Variants in CCDC192 observed in about 807,000 individuals in gnomAD.
CCDC192 encodes the protein coiled-coil domain containing 192, also known as coiled-coil domain-containing protein 192.
chr5:127,867,443 C>T (rs1163447279), intron 5 of CCDC192, among the ~76,000 whole-genome samples: 2 of 152,228 alleles, frequency 1.3e-5, no homozygotes. Context: ...ATTCGATCCT[C>T]TCTGGTTTCT....
chr5:127,704,154 C>G (rs1261293949), intron 1 of CCDC192, among the ~76,000 whole-genome samples: 1 of 152,130 alleles, frequency 6.6e-6, no homozygotes, highest in Non-Finnish European at 1.5e-5. Context: ...GTGGGATGTT[C>G]ACATGCAACC....
chr5:127,815,927 T>C (rs1749004770), intron 5 of CCDC192, among the ~76,000 whole-genome samples: 1 of 152,080 alleles, frequency 6.6e-6, no homozygotes, highest in Non-Finnish European at 1.5e-5. Flanking sequence ...TCAAAATCCA[T>C]GACTGATTAT....
At chr5:127,763,289 ATCAG>A (rs1440597263) in intron 3 of CCDC192, among the ~76,000 whole-genome samples, 3 of 152,174 alleles carry the variant, frequency 2.0e-5, no homozygotes, top group Non-Finnish European at 4.4e-5. Flanking sequence ...TAGGCCAGTG[ATCAG>A]TGCCACCAGC....
chr5:127,817,708 A>G (rs76814071), intron 5 of CCDC192, among the ~76,000 whole-genome samples: 5,817 of 152,316 alleles, frequency 0.038, 259 homozygotes, highest in African/African-American at 0.11. Context: ...TAGTTGCACA[A>G]CTTTGTGAAT....
chr5:127,779,506 G>A (rs530187128), intron 3 of CCDC192, among the ~76,000 whole-genome samples: 140 of 151,984 alleles, frequency 9.2e-4, no homozygotes, highest in South Asian at 5.0e-3. Flanking sequence ...TGTGTTAGCC[G>A]GGACAGTCTC....
At chr5:127,747,774 T>C (rs1753867378) in intron 2 of CCDC192, among the ~76,000 whole-genome samples, 1 of 145,784 alleles carries the variant, frequency 6.9e-6, no homozygotes, top group African/African-American at 2.5e-5. Flanking sequence ...ACCTGTTGTT[T>C]CCTGACTTTT....
intron 2 of CCDC192, among the ~76,000 whole-genome samples, chr5:127,739,215 G>C (rs1279100595): frequency 1.3e-5 from 2 of 152,100 alleles, no homozygotes; most frequent in Non-Finnish European, 2.9e-5. Context: ...TGCCCCTGCT[G>C]GGGGGTGCCT....
chr5:127,811,122 T>C (rs1758058289), intron 5 of CCDC192, among the ~76,000 whole-genome samples: 1 of 152,220 alleles, frequency 6.6e-6, no homozygotes, highest in Admixed American at 6.5e-5. Flanking sequence ...TGTGTACAAG[T>C]GGAGTACGCT....
chr5:127,833,353 T>G (rs1227853758), intron 5 of CCDC192, among the ~76,000 whole-genome samples: 1 of 152,200 alleles, frequency 6.6e-6, no homozygotes, highest in African/African-American at 2.4e-5. Context: ...ACTGTCCTAT[T>G]GTCCAATGGT....
intron 3 of CCDC192, among the ~76,000 whole-genome samples, chr5:127,769,268 G>T (rs545646393): frequency 1.3e-5 from 2 of 152,206 alleles, no homozygotes; most frequent in African/African-American, 4.8e-5. Flanking sequence ...TGGCTTAAAC[G>T]TATGAATGGA....
At chr5:127,777,379 C>G (rs73345045) in intron 3 of CCDC192, among the ~76,000 whole-genome samples, 5 of 152,246 alleles carry the variant, frequency 3.3e-5, no homozygotes, top group African/African-American at 1.2e-4. Flanking sequence ...GTGTATTTAT[C>G]GAATGCTTGT....
At chr5:127,770,006 AGAGT>A (rs1755456760) in intron 3 of CCDC192, among the ~76,000 whole-genome samples, 1 of 152,212 alleles carries the variant, frequency 6.6e-6, no homozygotes, top group African/African-American at 2.4e-5. Context: ...AGCCAATGGT[AGAGT>A]GAGAGATTTC....
At chr5:127,910,815 C>A (rs1225898121) in intron 6 of CCDC192, among the ~76,000 whole-genome samples, 1 of 152,084 alleles carries the variant, frequency 6.6e-6, no homozygotes, top group African/African-American at 2.4e-5. Flanking sequence ...GGGAATAGGC[C>A]TTTGAGGTTG....
chr5:127,884,669 G>A (rs1486551229), intron 6 of CCDC192, among the ~76,000 whole-genome samples: 1 of 152,136 alleles, frequency 6.6e-6, no homozygotes, highest in Non-Finnish European at 1.5e-5. Context: ...GATGTGAAGG[G>A]CTAGGGAGTG....
intron 2 of CCDC192, among the ~76,000 whole-genome samples, chr5:127,713,956 C>T (rs926941833): frequency 1.3e-5 from 2 of 152,184 alleles, no homozygotes; most frequent in African/African-American, 4.8e-5. Context: ...TTCCTCCTAT[C>T]TAGCTATAAC....
At chr5:127,781,207 G>A (rs887056543) in intron 3 of CCDC192, among the ~76,000 whole-genome samples, 1 of 151,988 alleles carries the variant, frequency 6.6e-6, no homozygotes, top group Non-Finnish European at 1.5e-5. Context: ...TTTTATACTA[G>A]TACCATGCTA....
At chr5:127,881,672 G>A (rs761971559) in intron 6 of CCDC192, among the ~76,000 whole-genome samples, 4 of 152,172 alleles carry the variant, frequency 2.6e-5, no homozygotes, top group Non-Finnish European at 5.9e-5. Flanking sequence ...GATTTAAGTC[G>A]ATGGAAAGTT....
chr5:127,930,085 C>T (rs1289021952), intron 6 of CCDC192, among the ~76,000 whole-genome samples: 3 of 152,130 alleles, frequency 2.0e-5, no homozygotes, highest in Non-Finnish European at 4.4e-5. Context: ...TGCCCATAAT[C>T]CCAGCTACTC....
intron 2 of CCDC192, among the ~76,000 whole-genome samples, chr5:127,717,928 C>CAAAAAAAAAAAAAAAAAAAAAACAAAA: frequency 2.0e-5 from 2 of 98,072 alleles, no homozygotes; most frequent in African/African-American, 3.9e-5. Flanking sequence ...TAAAGCTAGA[C>CAAAAAAAAAAAAAAAAAAAAAACAAAA]AAAAAAAAAA....
Sources: gnomAD v4.1 joint callset for allele counts (sites outside exome capture counted in the v4.1 genomes callset) on GRCh38, gnomAD v4.1.1 for gene constraint, MANE v1.5 for transcripts, NCBI Gene and HGNC (gene_info 2026-07-23, HGNC 2026-07-21) for gene names.